GPM6A: variants seen among roughly 807,000 people sequenced by gnomAD.
GPM6A encodes the protein glycoprotein M6A, also known as neuronal membrane glycoprotein M6-a.
A neutral mutation model predicts 32.1 loss-of-function variants in GPM6A; 7 were observed. The ratio of observed to expected loss-of-function variants is 0.22; its 90% CI spans 0.12 to 0.41. The LOEUF (loss-of-function observed/expected upper bound fraction) is 0.41, where lower values mean the gene tolerates loss of function less well. Ranked by LOEUF, GPM6A falls within the 10% of genes least tolerant of loss-of-function variation. The probability of loss-of-function intolerance (pLI) is 1.00; values close to 1 mark genes in which losing one functional copy is unlikely to be tolerated. For synonymous variants in GPM6A, 130 were observed against 123.4 expected, an observed-to-expected ratio of 1.05 and a Z score of -0.35; for missense variants, 235 against 347.2, an observed-to-expected ratio of 0.68 and a Z score of 2.57.
chr4:175,672,098 C>A (rs6821481), intron 3 of GPM6A, among the ~76,000 whole-genome samples: 12,199 of 152,154 alleles, frequency 0.08, 1,203 homozygotes, highest in African/African-American at 0.23. Context: ...GCATCTCTCT[C>A]TATATATAGA....
chr4:175,685,508 T>A (rs1743929967), intron 2 of GPM6A, among the ~76,000 whole-genome samples: 1 of 152,228 alleles, frequency 6.6e-6, no homozygotes, highest in South Asian at 2.1e-4. Context: ...CAAATGTTCC[T>A]GATTTTTACA....
intron 1 of GPM6A, among the ~76,000 whole-genome samples, chr4:175,920,415 T>C (rs1207919362): frequency 6.6e-6 from 1 of 152,212 alleles, no homozygotes; most frequent in African/African-American, 2.4e-5. Flanking sequence ...AACTGTTCCA[T>C]GCATACAGCA....
chr4:175,953,029 T>TA (rs1303427591), intron 1 of GPM6A, among the ~76,000 whole-genome samples: 20 of 139,762 alleles, frequency 1.4e-4, no homozygotes, highest in South Asian at 1.4e-3. Context: ...GACCCTGTTT[T>TA]TAAAAAAAAA....
chr4:175,897,258 G>C (rs1468662322), intron 1 of GPM6A, among the ~76,000 whole-genome samples: 1 of 152,106 alleles, frequency 6.6e-6, no homozygotes, highest in Non-Finnish European at 1.5e-5. Context: ...TTGGAAGCTA[G>C]AGCCTCAGAG....
chr4:175,946,765 G>A (rs962967222), intron 1 of GPM6A, among the ~76,000 whole-genome samples: 8 of 152,162 alleles, frequency 5.3e-5, no homozygotes, highest in Non-Finnish European at 1.2e-4. Flanking sequence ...ATTGGGGCCT[G>A]GTAGAGCATT....
chr4:175,707,278 G>A (rs575876996), intron 1 of GPM6A, among the ~76,000 whole-genome samples: 2 of 152,258 alleles, frequency 1.3e-5, no homozygotes, highest in East Asian at 3.9e-4. Context: ...TTGGGGTCTG[G>A]ATGGGGACCC....
At chr4:175,984,804 G>A (rs184874758) in intron 1 of GPM6A, among the ~76,000 whole-genome samples, 6 of 152,180 alleles carry the variant, frequency 3.9e-5, no homozygotes, top group Admixed American at 3.3e-4. Flanking sequence ...GGATATGTGT[G>A]AGGCAGTAAA....
chr4:175,971,462 T>C (rs1337744545), intron 1 of GPM6A, among the ~76,000 whole-genome samples: 1 of 152,168 alleles, frequency 6.6e-6, no homozygotes, highest in African/African-American at 2.4e-5. Context: ...CTCATTCATC[T>C]TTTTCACGTA....
chr4:175,803,204 T>G (rs938601270), intron 1 of GPM6A, among the ~76,000 whole-genome samples: 2 of 141,184 alleles, frequency 1.4e-5, no homozygotes, highest in East Asian at 2.1e-4. Flanking sequence ...ATCATCATCA[T>G]CAGCTATGAA....
chr4:175,638,137 G>T (rs1043427934), intron 6 of GPM6A, among the ~76,000 whole-genome samples: 3 of 150,336 alleles, frequency 2.0e-5, no homozygotes, highest in Non-Finnish European at 3.0e-5. Flanking sequence ...GAGTAGAGTA[G>T]AACAGAATAA....
intron 2 of GPM6A, among the ~76,000 whole-genome samples, chr4:175,687,510 CT>C (rs1340856997): frequency 2.0e-5 from 3 of 151,716 alleles, no homozygotes; most frequent in African/African-American, 4.8e-5. Context: ...GGATTTCCTC[CT>C]TTTTTGTGGC....
rs926240730 is a variant in GPM6A, at chr4:175,989,720, T to G, written c.-23+12589A>C. ...AGTTAAATATGTTAAATTATTTCCT[T>G]TATAGTGAATCAGATCTCTTTAGGT... is the stretch of plus-strand genomic sequence containing the variant. On this transcript the variant is annotated intron_variant, in intron 1 of 7. Transcript: ENST00000280187. Among the ~76,000 whole-genome samples, 4 of 152,300 alleles carry G rather than the reference T, an allele frequency of 2.6e-5. No individual in the cohort carries two copies. In the South Asian group the frequency reaches 8.3e-4, roughly 32 times the overall value.
chr4:175,976,487 C>CT (rs1740668660), intron 1 of GPM6A, among the ~76,000 whole-genome samples: 2 of 152,044 alleles, frequency 1.3e-5, no homozygotes, highest in Non-Finnish European at 2.9e-5. Flanking sequence ...TTTCAAACCC[C>CT]TTTTTTATTA....
intron 1 of GPM6A, among the ~76,000 whole-genome samples, chr4:175,752,872 T>C (rs891149276): frequency 1.3e-5 from 2 of 152,178 alleles, no homozygotes; most frequent in Admixed American, 1.3e-4. Context: ...TAAGGCTCCA[T>C]CTGCAGAGAG....
intron 1 of GPM6A, among the ~76,000 whole-genome samples, chr4:175,858,381 A>G (rs1288261536): frequency 6.6e-6 from 1 of 151,946 alleles, no homozygotes; most frequent in Admixed American, 6.6e-5. Context: ...AAAATACAAA[A>G]ATTAGCTGGG....
chr4:175,764,702 T>C (rs1386738655), intron 1 of GPM6A, among the ~76,000 whole-genome samples: 1 of 152,040 alleles, frequency 6.6e-6, no homozygotes, highest in East Asian at 1.9e-4. Context: ...GATAGCCAAC[T>C]ACCTCCTTGA....
At chr4:175,838,737 C>A (rs145027810) in intron 1 of GPM6A, among the ~76,000 whole-genome samples, 119 of 145,244 alleles carry the variant, frequency 8.2e-4, no homozygotes, top group African/African-American at 3.0e-3. Flanking sequence ...TCACCAGAAC[C>A]TTTACCTCCT....
chr4:175,931,160 C>T (rs1052267245), intron 1 of GPM6A, among the ~76,000 whole-genome samples: 8 of 152,050 alleles, frequency 5.3e-5, no homozygotes, highest in Admixed American at 2.0e-4. Context: ...GAACTTATTT[C>T]TCATATCTCA....
intron 1 of GPM6A, among the ~76,000 whole-genome samples, chr4:175,955,889 GC>G (rs1272923013): frequency 6.6e-6 from 1 of 152,144 alleles, no homozygotes; most frequent in Non-Finnish European, 1.5e-5. Context: ...TCTATGGAGA[GC>G]CCATTGTGTG....
Sources: allele counts gnomAD v4.1 joint callset (sites outside exome capture counted in the v4.1 genomes callset), GRCh38; gene constraint gnomAD v4.1.1; transcripts MANE v1.5; gene names NCBI Gene and HGNC (gene_info 2026-07-23, HGNC 2026-07-21).